Variants in TTC6 observed in about 807,000 individuals in gnomAD.
The protein encoded by TTC6 is tetratricopeptide repeat domain 6.
Under a neutral mutation model 210.4 loss-of-function variants are expected in TTC6, and 172 were observed. That is an observed-to-expected ratio of 0.82 (90% CI 0.72 to 0.93). TTC6 has a LOEUF of 0.93. Among genes scored for constraint, TTC6 ranks in the 40% least tolerant of loss-of-function variants. The pLI is 0.00. For missense variants in TTC6, 2,414 were observed against 2,318.1 expected (o/e 1.04, Z -0.85); for synonymous variants, 804 against 819.6 (o/e 0.98, Z 0.32).
chr14:37,787,649 T>C lies in TTC6; in HGVS notation c.3436+12T>C, dbSNP rs1197082572. 14 of 1,441,468 alleles carry C rather than the reference T, an allele frequency of 9.7e-6. No individual in the cohort carries two copies. Among genetic ancestry groups the C allele is most frequent in the Admixed American group, 2.3e-5 (1 of 43,794 alleles). 89.3% of individuals were successfully genotyped at this position (1,441,468 alleles called of 1,614,324 possible). ...TTATAGTGTTTCAGGTACTTTGCCT[T>C]CAATTACATGTATATAGCAACCCAA... On this transcript the variant is annotated intron_variant, in intron 15 of 30. Transcript: ENST00000553443.
At chr14:37,617,410 T>A (rs1204936622), upstream of TTC6, among the ~76,000 whole-genome samples, 1 of 152,206 alleles carries the variant, frequency 6.6e-6, no homozygotes, top group Non-Finnish European at 1.5e-5. Context: ...TGTGAGCTTT[T>A]GAATAGCTCA....
At chr14:37,821,415 A>C (rs2096156888) in intron 26 of TTC6, among the ~76,000 whole-genome samples, 1 of 152,120 alleles carries the variant, frequency 6.6e-6, no homozygotes, top group Admixed American at 6.6e-5. Context: ...AAGAGAGCAC[A>C]ATTTCATTGT....
At chr14:37,826,217 C>T in exon 28 of TTC6, 1 of 1,600,984 alleles carries the variant, frequency 6.2e-7, no homozygotes, top group South Asian at 1.1e-5. Context: ...TTCCAGAAAG[C>T]TTGGAACCAC....
chr14:37,717,027 A>G (rs980826923), intron 6 of TTC6, among the ~76,000 whole-genome samples: 2 of 152,128 alleles, frequency 1.3e-5, no homozygotes, highest in African/African-American at 4.8e-5. Flanking sequence ...GGATTTAAAA[A>G]TACATTGAAC....
At chr14:37,622,750 A>G (rs1317197493) in exon 1 of TTC6, 2 of 1,535,084 alleles carry the variant, frequency 1.3e-6, no homozygotes, top group South Asian at 2.4e-5. Context: ...ATCCGCAGCA[A>G]CTTCGTGAGC....
intron 2 of TTC6, among the ~76,000 whole-genome samples, chr14:37,682,170 G>A (rs952997976): frequency 6.9e-6 from 1 of 144,286 alleles, no homozygotes; most frequent in Admixed American, 6.9e-5. Flanking sequence ...TTTTTTTTTG[G>A]TTGGGCATAG....
chr14:37,765,556 A>C (rs566288287), intron 14 of TTC6, among the ~76,000 whole-genome samples: 6 of 152,278 alleles, frequency 3.9e-5, no homozygotes, highest in Admixed American at 2.0e-4. Flanking sequence ...CTTTTATGTC[A>C]CATAGAACAA....
chr14:37,717,731 C>T (rs1340340220), intron 6 of TTC6, among the ~76,000 whole-genome samples: 1 of 151,552 alleles, frequency 6.6e-6, no homozygotes, highest in Non-Finnish European at 1.5e-5. Context: ...AGTATCTAAA[C>T]TAGACAAAGA....
intron 1 of TTC6, among the ~76,000 whole-genome samples, chr14:37,625,583 T>A (rs1236080172): frequency 6.6e-6 from 1 of 151,676 alleles, no homozygotes; most frequent in East Asian, 1.9e-4. Context: ...TATGCAAGTA[T>A]AAAAGTCGTG....
chr14:37,759,331 C>G (rs1307010422), intron 14 of TTC6, among the ~76,000 whole-genome samples: 1 of 151,964 alleles, frequency 6.6e-6, no homozygotes, highest in African/African-American at 2.4e-5. Flanking sequence ...TATTGCCACC[C>G]CACTCTCTTC....
intron 1 of TTC6, among the ~76,000 whole-genome samples, chr14:37,667,251 A>T (rs1430517702): frequency 6.7e-6 from 1 of 150,122 alleles, no homozygotes. Flanking sequence ...TCTTAGTGGG[A>T]CAGTTTTAAG....
intron 2 of TTC6, among the ~76,000 whole-genome samples, chr14:37,615,579 A>G (rs1307324446): frequency 1.3e-5 from 2 of 152,042 alleles, no homozygotes; most frequent in African/African-American, 2.4e-5. Flanking sequence ...TTTTGAAAAT[A>G]TATTTTCAGG....
chr14:37,715,338 T>C (rs1454612188), intron 6 of TTC6, among the ~76,000 whole-genome samples: 7 of 152,184 alleles, frequency 4.6e-5, no homozygotes, highest in Middle Eastern at 3.4e-3. Flanking sequence ...ATAAATAATG[T>C]CTGAAAAGTT....
At chr14:37,833,644 G>C (rs2096191245) in intron 29 of TTC6, among the ~76,000 whole-genome samples, 1 of 151,780 alleles carries the variant, frequency 6.6e-6, no homozygotes, top group Non-Finnish European at 1.5e-5. Context: ...TCATTTTGTT[G>C]TTTTCTTATT....
At chr14:37,841,418 A>G in intron 29 of TTC6, 27 bp from the exon 32 acceptor site, 1 of 1,559,802 alleles carries the variant, frequency 6.4e-7, no homozygotes, top group Non-Finnish European at 8.6e-7. Context: ...GCCAATTAAA[A>G]TATATCATTA....
At chr14:37,715,994 A>C (rs905757788) in intron 6 of TTC6, among the ~76,000 whole-genome samples, 2 of 150,646 alleles carry the variant, frequency 1.3e-5, no homozygotes, top group Admixed American at 6.7e-5. Context: ...CCATTGAAAC[A>C]AAATTTATCA....
At chr14:37,693,716 C>A (rs2095808936) in intron 3 of TTC6, among the ~76,000 whole-genome samples, 1 of 151,950 alleles carries the variant, frequency 6.6e-6, no homozygotes, top group African/African-American at 2.4e-5. Flanking sequence ...CTATAGAAAC[C>A]AAAACAGCAT....
At chr14:37,792,864 T>C (rs1347767969) in intron 17 of TTC6, among the ~76,000 whole-genome samples, 1 of 150,912 alleles carries the variant, frequency 6.6e-6, no homozygotes, top group Non-Finnish European at 1.5e-5. Flanking sequence ...AACCATAGAA[T>C]GGGATACTGA....
chr14:37,820,885 C>G (rs947611947), intron 26 of TTC6, among the ~76,000 whole-genome samples: 8 of 149,990 alleles, frequency 5.3e-5, no homozygotes, highest in Non-Finnish European at 1.2e-4. Context: ...TCTCCTCCTC[C>G]TTCTCCTCCT....
Sources: gnomAD v4.1 joint callset for allele counts (sites outside exome capture counted in the v4.1 genomes callset) on GRCh38, gnomAD v4.1.1 for gene constraint, MANE v1.5 for transcripts, NCBI Gene and HGNC (gene_info 2026-07-23, HGNC 2026-07-21) for gene names.